CADM2: variants seen among roughly 807,000 people sequenced by gnomAD.
The protein encoded by CADM2 is immunoglobulin superfamily member 4D.
A neutral mutation model predicts 49.8 loss-of-function variants in CADM2; 12 were observed. That is an observed-to-expected ratio of 0.24 (90% CI 0.15 to 0.39). CADM2 has a LOEUF of 0.39. Ranked by LOEUF, CADM2 falls within the 10% of genes least tolerant of loss-of-function variation. The pLI, the probability that CADM2 is intolerant of heterozygous loss-of-function variation, is 1.00. For synonymous variants in CADM2, 214 were observed against 175.4 expected (o/e 1.22, Z -1.74); for missense variants, 378 against 492.3 (o/e 0.77, Z 2.20).
At position 85,044,679 on chromosome 3, in the gene CADM2, G is replaced by A. The variant is rs142649810; in HGVS notation, c.61+85011G>A. On this transcript the variant is annotated intron_variant, in intron 1 of 9. Coordinates refer to ENST00000383699, the MANE Select transcript of CADM2 (RefSeq NM_001167675.2). ...TACCAACCAGACAGAGATGGTTCCA[G>A]GAAAGTCAGTTGCCAAGAAAAAACC... Among the ~76,000 whole-genome samples, 65 of 152,226 alleles carry A rather than the reference G, an allele frequency of 4.3e-4. No homozygotes were observed. In the East Asian group the frequency reaches 0.01, roughly 23 times the overall value.
chr3:85,332,370 T>G (rs953562291), intron 1 of CADM2, among the ~76,000 whole-genome samples: 3 of 151,886 alleles, frequency 2.0e-5, no homozygotes, highest in Non-Finnish European at 4.4e-5. Flanking sequence ...TATAATGCAT[T>G]AGAGGAATAT....
At chr3:85,783,173 A>G (rs1443386038) in intron 2 of CADM2, among the ~76,000 whole-genome samples, 2 of 152,032 alleles carry the variant, frequency 1.3e-5, no homozygotes, top group South Asian at 4.1e-4. Context: ...TTTTGTTTTT[A>G]TCTTGAAACA....
chr3:85,502,746 G>A (rs1222015394), intron 1 of CADM2, among the ~76,000 whole-genome samples: 1 of 152,088 alleles, frequency 6.6e-6, no homozygotes, highest in African/African-American at 2.4e-5. Flanking sequence ...GAATAGTTGA[G>A]CTTATCCAGA....
chr3:85,180,307 G>A (rs757966629), intron 1 of CADM2, among the ~76,000 whole-genome samples: 3 of 151,796 alleles, frequency 2.0e-5, no homozygotes, highest in Non-Finnish European at 2.9e-5. Flanking sequence ...TCAGGAGTTT[G>A]AGACCACCCT....
intron 8 of CADM2, among the ~76,000 whole-genome samples, chr3:86,050,528 C>T (rs146014219): frequency 1.3e-5 from 2 of 152,332 alleles, no homozygotes; most frequent in African/African-American, 4.8e-5. Flanking sequence ...TCTCATTTCC[C>T]ACTTTGCACT....
At chr3:85,199,855 ACT>A (rs1397247677) in intron 1 of CADM2, among the ~76,000 whole-genome samples, 1 of 152,002 alleles carries the variant, frequency 6.6e-6, no homozygotes. Flanking sequence ...GATGTAACTG[ACT>A]CTGAAAGAAT....
chr3:85,310,671 G>C (rs561492828), intron 1 of CADM2, among the ~76,000 whole-genome samples: 1 of 152,268 alleles, frequency 6.6e-6, no homozygotes, highest in East Asian at 1.9e-4. Context: ...TTATGCTTCT[G>C]TCCCTCAGTC....
intron 1 of CADM2, among the ~76,000 whole-genome samples, chr3:85,422,316 C>T (rs1002244556): frequency 2.0e-5 from 3 of 151,942 alleles, no homozygotes; most frequent in Admixed American, 6.6e-5. Flanking sequence ...GAGTCTCTGT[C>T]GCCCAGGCTG....
intron 1 of CADM2, among the ~76,000 whole-genome samples, chr3:85,159,510 G>A (rs954283980): frequency 6.6e-6 from 1 of 152,200 alleles, no homozygotes; most frequent in African/African-American, 2.4e-5. Flanking sequence ...AGACCCACTG[G>A]TGTCAGTGGT....
chr3:85,365,182 G>GTTTTTTTTTTTTTTTTCTTTTTT (rs757075256), intron 1 of CADM2, among the ~76,000 whole-genome samples: 1 of 100,584 alleles, frequency 9.9e-6, no homozygotes, highest in Non-Finnish European at 2.0e-5. Context: ...AATTGGGAGG[G>GTTTTTTTTTTTTTTTTCTTTTTT]TTTTTTTTTT....
At chr3:85,886,681 T>C (rs183909837) in intron 5 of CADM2, among the ~76,000 whole-genome samples, 126 of 152,268 alleles carry the variant, frequency 8.3e-4, no homozygotes, top group African/African-American at 2.8e-3. Context: ...AATATTTTGG[T>C]TAAAGACAGA....
At chr3:85,002,706 C>T (rs905006718) in intron 1 of CADM2, among the ~76,000 whole-genome samples, 3 of 152,152 alleles carry the variant, frequency 2.0e-5, no homozygotes, top group African/African-American at 7.2e-5. Flanking sequence ...TTTACCATCT[C>T]CACAGACAAA....
chr3:85,465,208 G>A (rs2038438516), intron 1 of CADM2, among the ~76,000 whole-genome samples: 2 of 152,104 alleles, frequency 1.3e-5, no homozygotes, highest in Non-Finnish European at 2.9e-5. Context: ...ACATACTTTT[G>A]TGTGCGTATA....
intron 1 of CADM2, among the ~76,000 whole-genome samples, chr3:85,282,786 A>T (rs1370800739): frequency 2.0e-5 from 3 of 152,100 alleles, no homozygotes; most frequent in African/African-American, 7.2e-5. Context: ...AAAATATATA[A>T]GATATTGGCT....
chr3:85,405,769 T>C (rs891898478), intron 1 of CADM2, among the ~76,000 whole-genome samples: 2 of 151,872 alleles, frequency 1.3e-5, no homozygotes, highest in East Asian at 3.9e-4. Context: ...GTTTGTCACA[T>C]AGGTAAACAT....
chr3:85,736,962 A>G (rs181541155), intron 2 of CADM2, among the ~76,000 whole-genome samples: 3 of 152,350 alleles, frequency 2.0e-5, no homozygotes, highest in Non-Finnish European at 4.4e-5. Flanking sequence ...TCAAGAATAC[A>G]GTTGAAACAG....
At chr3:85,172,288 C>T (rs1470436185) in intron 1 of CADM2, among the ~76,000 whole-genome samples, 1 of 152,068 alleles carries the variant, frequency 6.6e-6, no homozygotes, top group African/African-American at 2.4e-5. Flanking sequence ...TTTGTTTGTT[C>T]AATTGTAAAA....
At chr3:85,903,914 G>GT (rs913637346) in intron 5 of CADM2, among the ~76,000 whole-genome samples, 100 of 152,126 alleles carry the variant, frequency 6.6e-4, no homozygotes, top group African/African-American at 2.4e-3. Flanking sequence ...GTTTTGTTTT[G>GT]TTTTTTCTTG....
At chr3:85,362,654 C>G (rs1437568540) in intron 1 of CADM2, among the ~76,000 whole-genome samples, 2 of 152,274 alleles carry the variant, frequency 1.3e-5, no homozygotes, top group East Asian at 3.9e-4. Flanking sequence ...GCTTCAGGAT[C>G]TTGGTGAATG....
Sources: allele counts gnomAD v4.1 joint callset (sites outside exome capture counted in the v4.1 genomes callset), GRCh38; gene constraint gnomAD v4.1.1; transcripts MANE v1.5; gene names NCBI Gene and HGNC (gene_info 2026-07-23, HGNC 2026-07-21).